Variants in LURAP1 observed in about 807,000 individuals in gnomAD.
LURAP1 encodes NF-kappa-B activator C1orf190.
LURAP1 carries 14 observed loss-of-function variants against 19.0 expected under a neutral mutation model. That is an observed-to-expected ratio of 0.74 (90% CI 0.49 to 1.15). The LOEUF (loss-of-function observed/expected upper bound fraction) is 1.15, where lower values mean the gene tolerates loss of function less well. Ranked by LOEUF, LURAP1 falls within the 50% of genes most tolerant of loss-of-function variation. LURAP1 has a pLI of 0.00. For missense variants in LURAP1, 273 were observed against 309.1 expected (o/e 0.88, Z 0.87); for synonymous variants, 129 against 131.8 (o/e 0.98, Z 0.14).
intron 1 of LURAP1, among the ~76,000 whole-genome samples, chr1:46,216,043 C>CTTTTTT (rs141982741): frequency 3.2e-3 from 294 of 92,524 alleles, no homozygotes; most frequent in Middle Eastern, 0.01. Context: ...TTTATTTTAT[C>CTTTTTT]TTTTTTTTTT....
At chr1:46,215,243 A>G (rs1048189888) in intron 1 of LURAP1, among the ~76,000 whole-genome samples, 1 of 148,906 alleles carries the variant, frequency 6.7e-6, no homozygotes, top group African/African-American at 2.5e-5. Context: ...AAAAAAAAAA[A>G]GAGATGCAAG....
intron 1 of LURAP1, among the ~76,000 whole-genome samples, chr1:46,219,398 T>G (rs1244173534): frequency 1.3e-5 from 2 of 152,214 alleles, no homozygotes; most frequent in African/African-American, 4.8e-5. Context: ...TGCTAGGCAC[T>G]GTGCTGAGTA....
intron 1 of LURAP1, among the ~76,000 whole-genome samples, chr1:46,208,409 A>G (rs1049018149): frequency 6.6e-6 from 1 of 152,214 alleles, no homozygotes; most frequent in Non-Finnish European, 1.5e-5. Context: ...TGCCACACCA[A>G]TAAGAAACAA....
At chr1:46,210,747 T>C (rs991338873) in intron 1 of LURAP1, among the ~76,000 whole-genome samples, 3 of 152,164 alleles carry the variant, frequency 2.0e-5, no homozygotes, top group African/African-American at 4.8e-5. Flanking sequence ...GTTCAGCTAC[T>C]TGGACGCTCT....
intron 1 of LURAP1, among the ~76,000 whole-genome samples, chr1:46,205,489 C>T (rs1658682564): frequency 6.6e-6 from 1 of 152,204 alleles, no homozygotes; most frequent in Non-Finnish European, 1.5e-5. Context: ...GAAAACTGGT[C>T]ATCATTTCTC....
intron 1 of LURAP1, among the ~76,000 whole-genome samples, chr1:46,216,798 C>T (rs1409958141): frequency 6.6e-6 from 1 of 152,180 alleles, no homozygotes; most frequent in Admixed American, 6.5e-5. Context: ...CCACCTCTCT[C>T]CCTCCTCCAA....
rs1659212430 is a variant in LURAP1, at chr1:46,220,747, T to G, written c.*527T>G. 6.6e-6 allele frequency: 1 copy of G among 152,388 alleles called. No homozygotes were observed. The highest frequency in any genetic ancestry group is 2.4e-5 in the African/African-American group (1 of 41,420). The allele number at this position is 152,388 out of a possible 1,614,324, so 9.4% of individuals were successfully genotyped here. On this transcript the variant is annotated 3_prime_UTR_variant, in exon 2 of 2. Coordinates refer to ENST00000371980, the MANE Select transcript of LURAP1 (RefSeq NM_001013615.3). ...GCCCCTAGAGATACTTCTATAGAGA[T>G]ATTGACTCTAAAGGATTGACCTATG...
intron 1 of LURAP1, among the ~76,000 whole-genome samples, chr1:46,214,548 G>T (rs771882513): frequency 6.6e-6 from 1 of 151,986 alleles, no homozygotes; most frequent in Non-Finnish European, 1.5e-5. Flanking sequence ...ACATCATGGC[G>T]GGGAAAAGAA....
At chr1:46,205,072 A>G (rs1348162211) in intron 1 of LURAP1, among the ~76,000 whole-genome samples, 1 of 152,184 alleles carries the variant, frequency 6.6e-6, no homozygotes, top group Non-Finnish European at 1.5e-5. Flanking sequence ...AGCCTGGGCA[A>G]CAAAGCAAGA....
rs893287922 is a variant in LURAP1 at position 46,203,692 on chromosome 1, C to T, written c.198+68C>T. On this transcript the variant is annotated intron_variant, in intron 1 of 1. Coordinates refer to ENST00000371980, the MANE Select transcript of LURAP1 (RefSeq NM_001013615.3). ...TAGGGCCGGGAGGGACGAACTCATGCTCCCAGAGTTAAGCTGGAGAGGAGG... is the reference window on the plus strand; with the variant it reads ...TAGGGCCGGGAGGGACGAACTCATGTTCCCAGAGTTAAGCTGGAGAGGAGG... The T allele has an allele frequency of 1.0e-5, 15 of 1,466,314 alleles. No individual in the cohort carries two copies. In the African/African-American group the frequency reaches 1.9e-4, roughly 18 times the overall value. The allele number at this position is 1,466,314 out of a possible 1,614,324, so 90.8% of individuals were successfully genotyped here.
At chr1:46,218,378 C>T (rs1659129327) in intron 1 of LURAP1, among the ~76,000 whole-genome samples, 1 of 152,078 alleles carries the variant, frequency 6.6e-6, no homozygotes, top group African/African-American at 2.4e-5. Flanking sequence ...AGAACAAGAC[C>T]CTGTCTCAAA....
rs556475790 is a variant in LURAP1 at position 46,210,802 on chromosome 1, T to G, written c.198+7178T>G. On this transcript the variant is annotated intron_variant, in intron 1 of 1. Transcript: ENST00000371980. Reference sequence around the variant, plus strand: ...CCTTTTTTTATTTTTTGAGACAAGGTCTGGTTCTGTTGCCCAGGTTGGAGT... The same window carrying G: ...CCTTTTTTTATTTTTTGAGACAAGGGCTGGTTCTGTTGCCCAGGTTGGAGT... 5.2e-4 allele frequency among the ~76,000 whole-genome samples: 79 copies of G among 152,232 alleles called. 1 individual carries two copies. Among genetic ancestry groups the G allele is most frequent in the African/African-American group, 1.9e-3 (77 of 41,540 alleles).
At chr1:46,207,238 A>ATG in intron 1 of LURAP1, among the ~76,000 whole-genome samples, 1 of 151,886 alleles carries the variant, frequency 6.6e-6, no homozygotes, top group South Asian at 2.1e-4. Context: ...GTGCCACCAC[A>ATG]CCTAGCTAGC....
At chr1:46,205,295 G>A (rs1658676389) in intron 1 of LURAP1, among the ~76,000 whole-genome samples, 1 of 151,954 alleles carries the variant, frequency 6.6e-6, no homozygotes, top group South Asian at 2.1e-4. Flanking sequence ...GGGAGGAAGG[G>A]AGGAAGGGAG....
chr1:46,207,889 C>T (rs1395603908), intron 1 of LURAP1, among the ~76,000 whole-genome samples: 2 of 149,234 alleles, frequency 1.3e-5, no homozygotes, highest in East Asian at 2.0e-4. Context: ...TTTTTTGACA[C>T]GGAGTTTCGT....
chr1:46,217,037 T>C (rs1213981216), intron 1 of LURAP1, among the ~76,000 whole-genome samples: 3 of 152,164 alleles, frequency 2.0e-5, no homozygotes, highest in African/African-American at 4.8e-5. Flanking sequence ...TTACCTCTTA[T>C]GCCAACTTTC....
At chr1:46,208,823 T>C (rs1403840329) in intron 1 of LURAP1, among the ~76,000 whole-genome samples, 1 of 151,900 alleles carries the variant, frequency 6.6e-6, no homozygotes, top group East Asian at 1.9e-4. Context: ...CCTGGACGAC[T>C]GTGCAAAACT....
chr1:46,217,959 G>A (rs1659118953), intron 1 of LURAP1, among the ~76,000 whole-genome samples: 1 of 152,168 alleles, frequency 6.6e-6, no homozygotes, highest in African/African-American at 2.4e-5. Flanking sequence ...TATAAATATG[G>A]AGATTAGGAG....
intron 1 of LURAP1, among the ~76,000 whole-genome samples, chr1:46,218,528 A>G (rs1056924506): frequency 5.3e-5 from 8 of 152,238 alleles, no homozygotes; most frequent in African/African-American, 1.9e-4. Context: ...TTTGAATGCC[A>G]GTTGCTAAAA....
Sources: gnomAD v4.1 joint callset for allele counts (sites outside exome capture counted in the v4.1 genomes callset) on GRCh38, gnomAD v4.1.1 for gene constraint, MANE v1.5 for transcripts, NCBI Gene and HGNC (gene_info 2026-07-23, HGNC 2026-07-21) for gene names.